CBFA2T2: variants seen among roughly 807,000 people sequenced by gnomAD.
The protein encoded by CBFA2T2 is CBFA2/RUNX1 partner transcriptional co-repressor 2.
CBFA2T2 carries 11 observed loss-of-function variants against 62.2 expected under a neutral mutation model. The observed-to-expected ratio is 0.18, with a 90% CI of 0.11 to 0.29. The LOEUF (loss-of-function observed/expected upper bound fraction) is 0.29. Among genes scored for constraint, CBFA2T2 ranks in the 10% least tolerant of loss-of-function variants. CBFA2T2 has a pLI of 1.00. For synonymous variants in CBFA2T2, 295 were observed against 287.5 expected, an observed-to-expected ratio of 1.03 and a Z score of -0.27; for missense variants, 592 against 774.1, an observed-to-expected ratio of 0.76 and a Z score of 2.79.
chr20:33,509,181 A>G (rs1234154506), intron 1 of CBFA2T2, among the ~76,000 whole-genome samples: 1 of 151,944 alleles, frequency 6.6e-6, no homozygotes, highest in African/African-American at 2.4e-5. Flanking sequence ...AGCCTGGCCA[A>G]CATGGTGAAA....
At chr20:33,609,355 A>C (rs1346573915) in intron 2 of CBFA2T2, among the ~76,000 whole-genome samples, 1 of 152,142 alleles carries the variant, frequency 6.6e-6, no homozygotes, top group Non-Finnish European at 1.5e-5. Flanking sequence ...ACAAAAAATT[A>C]GCTGGATGTG....
chr20:33,541,081 G>C (rs546674551), intron 1 of CBFA2T2, among the ~76,000 whole-genome samples: 4 of 152,312 alleles, frequency 2.6e-5, no homozygotes, highest in East Asian at 3.9e-4. Flanking sequence ...CAGGAAATCT[G>C]GTTTCTGGAA....
rs573707776 is a variant in CBFA2T2, at chr20:33,492,344, T to C, written c.34+2043T>C. 9.2e-4 allele frequency among the ~76,000 whole-genome samples: 140 copies of C among 151,556 alleles called. 1 individual carries two copies. Among genetic ancestry groups the C allele is most frequent in the African/African-American group, 3.0e-3 (124 of 41,392 alleles). ...AGAAAGGACTTTTTATTTGAAAAAATTGGGGGGCTCTTCTGCCTATGAAGT... is the reference window on the plus strand; with the variant it reads ...AGAAAGGACTTTTTATTTGAAAAAACTGGGGGGCTCTTCTGCCTATGAAGT... On this transcript the variant is annotated intron_variant, in intron 1 of 10. Transcript: ENST00000342704.
chr20:33,495,367 CAA>C (rs1491504992), intron 1 of CBFA2T2, among the ~76,000 whole-genome samples: 1 of 119,724 alleles, frequency 8.4e-6, no homozygotes, highest in African/African-American at 3.2e-5. Context: ...GCCTGGGCAA[CAA>C]GAGGGAAACT....
intron 1 of CBFA2T2, among the ~76,000 whole-genome samples, chr20:33,495,684 C>CGA (rs2011192784): frequency 6.6e-6 from 1 of 152,102 alleles, no homozygotes; most frequent in African/African-American, 2.4e-5. Flanking sequence ...CAGCAAGACT[C>CGA]TGTCTCAAAA....
At chr20:33,626,887 C>T (rs1357664808) in intron 6 of CBFA2T2, among the ~76,000 whole-genome samples, 1 of 152,164 alleles carries the variant, frequency 6.6e-6, no homozygotes, top group Non-Finnish European at 1.5e-5. Context: ...AGTACATTGT[C>T]TTATTTTATC....
At chr20:33,510,214 G>GTT (rs555466860) in intron 1 of CBFA2T2, among the ~76,000 whole-genome samples, 11 of 140,824 alleles carry the variant, frequency 7.8e-5, no homozygotes, top group Non-Finnish European at 1.4e-4. Flanking sequence ...TTTTTTTCTT[G>GTT]TTTTTTTTTT....
chr20:33,490,326 G>A, intron 1 of CBFA2T2, 25 bp downstream of exon 1: 1 of 1,279,228 alleles, frequency 7.8e-7, no homozygotes, highest in Non-Finnish European at 9.9e-7. Flanking sequence ...AATGCGGGCG[G>A]CCGAGGGGGG....
chr20:33,603,244 G>T (rs149763916), intron 1 of CBFA2T2, among the ~76,000 whole-genome samples: 1 of 152,150 alleles, frequency 6.6e-6, no homozygotes, highest in East Asian at 1.9e-4. Context: ...TCCTATGTAG[G>T]AAAAAATATC....
chr20:33,568,192 A>G (rs1285537376), intron 1 of CBFA2T2, among the ~76,000 whole-genome samples: 3 of 152,204 alleles, frequency 2.0e-5, no homozygotes, highest in Non-Finnish European at 2.9e-5. Context: ...ATTTAATTAG[A>G]AAGAAATTAG....
intron 1 of CBFA2T2, among the ~76,000 whole-genome samples, chr20:33,576,161 A>T (rs17124787): frequency 0.013 from 2,021 of 152,214 alleles, 44 homozygotes; most frequent in African/African-American, 0.046. Context: ...ACTTGAGTCT[A>T]CCAGGGAGGA....
At chr20:33,503,588 T>C (rs2011339625) in intron 1 of CBFA2T2, among the ~76,000 whole-genome samples, 1 of 152,176 alleles carries the variant, frequency 6.6e-6, no homozygotes, top group African/African-American at 2.4e-5. Context: ...AATTATTGTA[T>C]AAAACTAGAT....
At chr20:33,577,947 A>G (rs2013904508) in intron 1 of CBFA2T2, among the ~76,000 whole-genome samples, 1 of 152,228 alleles carries the variant, frequency 6.6e-6, no homozygotes, top group African/African-American at 2.4e-5. Flanking sequence ...TATTACTATT[A>G]TAGTTATTTC....
At chr20:33,555,800 C>A (rs1207716832) in intron 1 of CBFA2T2, among the ~76,000 whole-genome samples, 2 of 152,216 alleles carry the variant, frequency 1.3e-5, no homozygotes, top group Non-Finnish European at 2.9e-5. Context: ...CCAATTCAGT[C>A]TGTCATCACA....
At chr20:33,555,444 T>C (rs948215626) in intron 1 of CBFA2T2, among the ~76,000 whole-genome samples, 18 of 152,326 alleles carry the variant, frequency 1.2e-4, no homozygotes, top group Non-Finnish European at 1.2e-4. Context: ...TTTCTGTTTT[T>C]TGTTTTGTTT....
chr20:33,582,885 T>G (rs1317813474), intron 1 of CBFA2T2, among the ~76,000 whole-genome samples: 2 of 151,236 alleles, frequency 1.3e-5, no homozygotes, highest in African/African-American at 2.4e-5. Flanking sequence ...GATGTTGCAG[T>G]GAACGAAGAT....
intron 1 of CBFA2T2, among the ~76,000 whole-genome samples, chr20:33,503,290 A>G (rs888724914): frequency 8.9e-6 from 1 of 112,492 alleles, no homozygotes; most frequent in African/African-American, 3.3e-5. Context: ...AGTCTCGCCC[A>G]GTCGCCCAGG....
intron 1 of CBFA2T2, among the ~76,000 whole-genome samples, chr20:33,554,711 A>T (rs1366017958): frequency 6.9e-6 from 1 of 145,274 alleles, no homozygotes; most frequent in Non-Finnish European, 1.5e-5. Context: ...GGTGTGAGCC[A>T]CTGCGCCTGG....
chr20:33,633,830 G>T (rs1310961283), intron 8 of CBFA2T2, among the ~76,000 whole-genome samples: 1 of 150,196 alleles, frequency 6.7e-6, no homozygotes, highest in East Asian at 1.9e-4. Flanking sequence ...TTAGGGATTT[G>T]GGGTTGCTGG....
Sources: gnomAD v4.1 joint callset for allele counts (sites outside exome capture counted in the v4.1 genomes callset) on GRCh38, gnomAD v4.1.1 for gene constraint, MANE v1.5 for transcripts, NCBI Gene and HGNC (gene_info 2026-07-23, HGNC 2026-07-21) for gene names.